Variants in ANKRD55 observed in about 807,000 individuals in gnomAD.
ANKRD55 encodes the protein ankyrin repeat domain 55.
A neutral mutation model predicts 60.6 loss-of-function variants in ANKRD55; 41 were observed. The observed-to-expected ratio is 0.68, with a 90% CI of 0.53 to 0.88. The LOEUF (loss-of-function observed/expected upper bound fraction) is 0.88. Ranked by LOEUF, ANKRD55 falls within the 40% of genes least tolerant of loss-of-function variation. The probability of loss-of-function intolerance (pLI) is 0.00; values close to 1 mark genes in which losing one functional copy is unlikely to be tolerated. For synonymous variants in ANKRD55, 264 were observed against 290.3 expected (o/e 0.91, Z 0.92); for missense variants, 732 against 767.6 (o/e 0.95, Z 0.55).
intron 2 of ANKRD55, among the ~76,000 whole-genome samples, chr5:56,231,311 G>A (rs919348808): frequency 2.6e-5 from 4 of 152,184 alleles, no homozygotes; most frequent in Non-Finnish European, 1.5e-5. Context: ...AATCAGTCTT[G>A]TAATTCTGTA....
intron 7 of ANKRD55, among the ~76,000 whole-genome samples, chr5:56,130,969 A>G (rs1271809825): frequency 6.6e-6 from 1 of 152,248 alleles, no homozygotes; most frequent in Admixed American, 6.5e-5. Flanking sequence ...AAAAAACAGA[A>G]CAGAATATTC....
At chr5:56,120,899 C>CAAA (rs34532327) in intron 8 of ANKRD55, among the ~76,000 whole-genome samples, 5 of 81,048 alleles carry the variant, frequency 6.2e-5, no homozygotes, top group Non-Finnish European at 7.4e-5. Context: ...GACTCCGTCT[C>CAAA]AAAAAAAAAA....
At chr5:56,146,794 A>G (rs963393759) in intron 6 of ANKRD55, 32 of 152,024 alleles carry the variant, frequency 2.1e-4, no homozygotes, top group African/African-American at 7.7e-4. Context: ...ACCAGGCCTA[A>G]CCCTGCTTAA....
rs34289990 is a variant in ANKRD55, at chr5:56,132,424, C to CAAAAAAAAAAA, written c.613-5329_613-5319dup. ...TGAAACCCTGTCTCTACTTAAAATA[C>CAAAAAAAAAAA]AAAAAAAAAAAAAAAAATTAGCTGG... is the stretch of plus-strand genomic sequence containing the variant. On this transcript the variant is annotated intron_variant, in intron 7 of 11. Transcript: ENST00000341048. Among the ~76,000 whole-genome samples the CAAAAAAAAAAA allele has an allele frequency of 1.8e-4, 22 of 120,354 alleles. 1 individual carries two copies. The highest frequency in any genetic ancestry group is 7.6e-4 in the African/African-American group (21 of 27,522). The allele number at this position is 120,354 out of a possible 152,430, so 79.0% of individuals were successfully genotyped here.
At chr5:56,152,294 T>C (rs1367043641) in intron 6 of ANKRD55, among the ~76,000 whole-genome samples, 1 of 151,712 alleles carries the variant, frequency 6.6e-6, no homozygotes, top group Non-Finnish European at 1.5e-5. Context: ...CTAAGAATTA[T>C]GTCCAAAAGG....
chr5:56,212,109 C>G (rs72749968), intron 2 of ANKRD55, among the ~76,000 whole-genome samples: 1 of 150,990 alleles, frequency 6.6e-6, no homozygotes, highest in East Asian at 1.9e-4. Context: ...TAGACCAATT[C>G]GGTTTGTGAA....
intron 5 of ANKRD55, among the ~76,000 whole-genome samples, chr5:56,165,407 T>C (rs930353965): frequency 2.0e-5 from 3 of 152,160 alleles, no homozygotes; most frequent in East Asian, 1.9e-4. Context: ...GTGGCAGTAG[T>C]AGTGTTTCAT....
intron 7 of ANKRD55, chr5:56,127,584 T>C (rs1757305957): frequency 5.1e-6 from 5 of 984,816 alleles, no homozygotes; most frequent in Non-Finnish European, 6.0e-6. Flanking sequence ...TTAAAAAGCT[T>C]GTTTCGGGGT....
Position 56,141,079 on chromosome 5 carries a change from C to CTA in ANKRD55, c.612+2720_612+2721dup, listed in dbSNP as rs546592262. Among the ~76,000 whole-genome samples, 686 of 147,474 alleles carry CTA rather than the reference C, an allele frequency of 4.7e-3. 4 individuals carry two copies. The highest frequency in any genetic ancestry group is 7.8e-3 in the African/African-American group (312 of 39,838). Reference sequence around the variant, plus strand: ...CTCCATCTCAAAAAAATATATCTATCTATATATATATGTGTGTGTGTGTGT... The same window carrying CTA: ...CTCCATCTCAAAAAAATATATCTATCTATATATATATATGTGTGTGTGTGTGT... On this transcript the variant is annotated intron_variant, in intron 7 of 11. Transcript: ENST00000341048.
At position 56,127,014 on chromosome 5, in the gene ANKRD55, T is replaced by C. The variant is rs2289857; in HGVS notation, c.705A>G (p.Val235=). The change falls in exon 8 of 12, where the codon GTA becomes GTG. Residue 235 remains valine, a synonymous_variant. Transcript: ENST00000341048. ...NYDDESGKTC[V]HIAAAAGFSD... ...TGAAGCCCGCTGCCGCTGCGATATG[T>C]ACACATGTCTTCCCACTCTCATCAT... is the stretch of plus-strand genomic sequence containing the variant. 4.3e-4 allele frequency: 696 copies of C among 1,614,052 alleles called. 11 individuals are homozygous for C. In the East Asian group the frequency reaches 0.014, roughly 33 times the overall value.
At chr5:56,199,425 G>A (rs373766073) in intron 2 of ANKRD55, among the ~76,000 whole-genome samples, 1 of 152,144 alleles carries the variant, frequency 6.6e-6, no homozygotes, top group African/African-American at 2.4e-5. Flanking sequence ...TAAGGTAATG[G>A]TGTTATGAAT....
At chr5:56,162,929 G>A (rs546794523) in intron 5 of ANKRD55, among the ~76,000 whole-genome samples, 14 of 152,114 alleles carry the variant, frequency 9.2e-5, no homozygotes, top group South Asian at 4.1e-4. Flanking sequence ...TCAGCCGCCC[G>A]AAGTGCTGGG....
chr5:56,116,571 T>G (rs759665262), intron 9 of ANKRD55, 44 bp downstream of exon 9: 34 of 1,396,684 alleles, frequency 2.4e-5, no homozygotes, highest in Non-Finnish European at 2.9e-5. Context: ...AATTTATAAA[T>G]AGTTGAGAAG....
intron 7 of ANKRD55, among the ~76,000 whole-genome samples, chr5:56,140,939 T>G (rs1757743814): frequency 6.6e-6 from 1 of 152,040 alleles, no homozygotes; most frequent in African/African-American, 2.4e-5. Flanking sequence ...GGTGTGTGCC[T>G]GTAATTCCAG....
chr5:56,135,926 A>G (rs1364231121), intron 7 of ANKRD55, among the ~76,000 whole-genome samples: 2 of 152,194 alleles, frequency 1.3e-5, no homozygotes, highest in African/African-American at 4.8e-5. Context: ...AGCAAATAGA[A>G]TTTGAAATTA....
chr5:56,135,356 T>TTTCTTCTTTC (rs70995771), intron 7 of ANKRD55, among the ~76,000 whole-genome samples: 1 of 53,700 alleles, frequency 1.9e-5, no homozygotes, highest in African/African-American at 8.3e-5. Flanking sequence ...TCTTTCTTTC[T>TTTCTTCTTTC]TTCTTTCTTT....
At chr5:56,204,654 A>C (rs1759459514) in intron 2 of ANKRD55, among the ~76,000 whole-genome samples, 1 of 152,166 alleles carries the variant, frequency 6.6e-6, no homozygotes, top group Non-Finnish European at 1.5e-5. Flanking sequence ...CCTGTGAGTC[A>C]ATTAAACCTC....
In ANKRD55 at chr5:56,111,159, GA is replaced by G; in HGVS notation, c.1588del (p.Ser530ProfsTer38). 2 of 1,614,166 alleles carry G rather than the reference GA, an allele frequency of 1.2e-6. No homozygotes were observed. Among genetic ancestry groups the G allele is most frequent in the Non-Finnish European group, 1.7e-6 (2 of 1,180,010 alleles). Reference protein sequence around the residue: ...LSVRPGHQEVSVPPHLRHLHN... With the variant: ...LSVRPGHQEVXVPPHLRHLHN... ...TAGATGGCGAAGGTGTGGTGGCACGGAGACCTCTTGGTGACCAGGCCGGACA... is the reference window on the plus strand; with the variant it reads ...TAGATGGCGAAGGTGTGGTGGCACGGGACCTCTTGGTGACCAGGCCGGACA... On this transcript the variant is annotated frameshift_variant, in exon 10 of 12. Coordinates refer to ENST00000341048, the MANE Select transcript of ANKRD55 (RefSeq NM_024669.3). LOFTEE classifies it high-confidence loss of function.
chr5:56,202,408 AGACCCTTT>A (rs1185746597), intron 2 of ANKRD55, among the ~76,000 whole-genome samples: 1 of 152,152 alleles, frequency 6.6e-6, no homozygotes, highest in Non-Finnish European at 1.5e-5. Context: ...CTCTTAAACG[AGACCCTTT>A]GCCTTGTGCA....
Sources: allele counts gnomAD v4.1 joint callset (sites outside exome capture counted in the v4.1 genomes callset), GRCh38; gene constraint gnomAD v4.1.1; transcripts MANE v1.5; gene names NCBI Gene and HGNC (gene_info 2026-07-23, HGNC 2026-07-21).